Variants in LILRA6 observed in about 807,000 individuals in gnomAD.
LILRA6 encodes the protein leukocyte immunoglobulin like receptor A6, also known as leukocyte immunoglobulin-like receptor subfamily A member 6.
In LILRA6, 16 loss-of-function variants were observed where a neutral mutation model predicts 53.9. That is an observed-to-expected ratio of 0.30 (90% CI 0.20 to 0.45). LILRA6 has a LOEUF of 0.45. Among genes scored for constraint, LILRA6 ranks in the 20% least tolerant of loss-of-function variants. LILRA6 has a pLI of 1.00. For missense variants in LILRA6, 306 were observed against 618.6 expected (o/e 0.49, Z 5.36); for synonymous variants, 135 against 256.4 (o/e 0.53, Z 4.52).
Position 54,242,074 on chromosome 19 carries a change from A to G in LILRA6, c.307T>C (p.Ser103Pro), listed in dbSNP as rs1294912866. 3 of 1,404,698 alleles carry G rather than the reference A, an allele frequency of 2.1e-6. 1 individual carries two copies. The highest frequency in any genetic ancestry group is 2.7e-5 in the South Asian group (2 of 72,788). 87.0% of individuals were successfully genotyped at this position (1,404,698 alleles called of 1,614,324 possible). Residue 103 changes from serine (S) to proline (P), a missense_variant, in exon 3 of 8, where the codon TCT becomes CCT. Physicochemically the swap from Ser to Pro is moderately conservative, Grantham distance 74 (BLOSUM62 -1). Transcript: ENST00000396365. The stretch of plus-strand genomic sequence containing the variant: ...TCGCTGGGCTCTGACCAGCCTGCAG[A>G]GCTGTAATAGTGGCAGCGGTATCTC...
exon 8 of LILRA6, chr19:54,239,057 G>A (rs1284721151): frequency 1.2e-6 from 2 of 1,611,498 alleles, no homozygotes; most frequent in Middle Eastern, 1.7e-4. Flanking sequence ...ATGCGGATGA[G>A]ATTCTCCACT....
exon 5 of LILRA6, chr19:54,240,872 T>C: frequency 6.2e-7 from 1 of 1,613,948 alleles, no homozygotes; most frequent in Middle Eastern, 1.7e-4. Flanking sequence ...GGCCGACCAC[T>C]CGGAGGAGAG....
At chr19:54,238,012 CTCT>C (rs1196055276), downstream of LILRA6, 2 of 144,836 alleles carry the variant, frequency 1.4e-5, no homozygotes, top group East Asian at 2.0e-4. Context: ...AGCTGTGTGT[CTCT>C]TCTTTTTTTT....
chr19:54,238,390 T>G (rs1364235546), downstream of LILRA6: 2 of 151,312 alleles, frequency 1.3e-5, no homozygotes, highest in Non-Finnish European at 2.9e-5. Flanking sequence ...TTGATTCAAG[T>G]AATTTGCAGT....
At chr19:54,239,085 T>C in exon 8 of LILRA6, 1 of 1,611,142 alleles carries the variant, frequency 6.2e-7, no homozygotes, top group Non-Finnish European at 8.5e-7. Flanking sequence ...CCTTGGCGTG[T>C]GAGGCTGGGG....
chr19:54,240,934 G>T (rs1305977158), exon 5 of LILRA6: 1 of 1,613,936 alleles, frequency 6.2e-7, no homozygotes, highest in African/African-American at 1.3e-5. Flanking sequence ...GGCTCACAGG[G>T]CCCAGGGTGA....
At chr19:54,242,578 C>T in intron 1 of LILRA6, 24 bp from the exon 2 acceptor site, 1 of 1,071,888 alleles carries the variant, frequency 9.3e-7, no homozygotes, top group Non-Finnish European at 1.3e-6. Context: ...CCCTGTGAGG[C>T]ATTTGCCCTG....
Position 54,241,831 on chromosome 19 carries a change from C to T in LILRA6, c.403G>A (p.Ala135Thr), listed in dbSNP as rs751756983. The T allele has an allele frequency of 1.4e-5, 19 of 1,324,972 alleles. 3 individuals are homozygous for T. Among genetic ancestry groups the T allele is most frequent in the Non-Finnish European group, 2.0e-5 (19 of 960,840 alleles). 82.1% of individuals were successfully genotyped at this position (1,324,972 alleles called of 1,614,324 possible). A position where few individuals can be genotyped will look rare whatever the true frequency, so the allele number is the denominator to read the frequency against. ...TGGAGGGTCATATTCCCCCCTGAGG[C>T]CACCACAGGGCTGGGCAGGGCTGAG... The change falls in exon 4 of 8, where the codon GCC becomes ACC. Residue 135 changes from alanine (A) to threonine (T), a missense_variant. Ala to Thr is a moderately conservative substitution (Grantham distance 58). Around this residue, in one of 9 missense-constraint regions of LILRA6, gnomAD observed 35 missense variants for 39.5 expected, o/e 0.89. Coordinates refer to ENST00000396365, the Ensembl canonical transcript of LILRA6.
exon 8 of LILRA6, chr19:54,238,946 C>T (rs1246389451): frequency 7.5e-6 from 12 of 1,610,434 alleles, no homozygotes; most frequent in African/African-American, 1.4e-5. Context: ...ATTGTCCTCT[C>T]CGCTGTTCAC....
downstream of LILRA6, chr19:54,238,028 T>TC (rs2078659871): frequency 6.7e-6 from 1 of 149,106 alleles, no homozygotes; most frequent in Non-Finnish European, 1.5e-5. Flanking sequence ...TTTTTTTTTT[T>TC]CTTTTTTTTT....
chr19:54,240,694 C>T, intron 5 of LILRA6, 118 bp from the exon 6 acceptor site: 1 of 1,564,616 alleles, frequency 6.4e-7, no homozygotes, highest in African/African-American at 1.4e-5. Context: ...GTCTCGCCTC[C>T]CCGCCCATCC....
rs373524628 is a variant in LILRA6 at position 54,240,992 on chromosome 19, A to G, written c.794T>C (p.Leu265Pro). 1,909 of 1,613,346 alleles carry G rather than the reference A, an allele frequency of 1.2e-3. 9 individuals are homozygous for G. The African/African-American group carries it at 0.023, about 20-fold the overall frequency. Reference sequence around the variant, plus strand: ...CTGGGGCTGCTGGCCAGGGCGCTGGAGGAAGTCACGTTCCCCCTCCTTATA... The same window carrying G: ...CTGGGGCTGCTGGCCAGGGCGCTGGGGGAAGTCACGTTCCCCCTCCTTATA... The change falls in exon 5 of 8, where the codon CTC becomes CCC. Residue 265 changes from leucine to proline, a missense_variant. Leu to Pro is a moderately conservative substitution (Grantham distance 98). Around this residue, in one of 9 missense-constraint regions of LILRA6, gnomAD observed 13 missense variants for 80.1 expected, o/e 0.16. Coordinates refer to ENST00000396365, the Ensembl canonical transcript of LILRA6.
intron 7 of LILRA6, chr19:54,239,375 T>A (rs2078686729): frequency 1.3e-6 from 1 of 798,312 alleles, no homozygotes; most frequent in Non-Finnish European, 1.9e-6. Context: ...CAATAAACCC[T>A]CCCTCTCCTG....
exon 8 of LILRA6, chr19:54,238,724 C>G (rs993375513): frequency 1.5e-6 from 1 of 680,070 alleles, no homozygotes; most frequent in Non-Finnish European, 2.2e-6. Context: ...GCACTTCACA[C>G]TCACCCATGA....
chr19:54,239,694 G>A (rs1249689803), intron 7 of LILRA6: 2 of 1,546,394 alleles, frequency 1.3e-6, no homozygotes, highest in Non-Finnish European at 8.7e-7. Context: ...GAAGCCTGGG[G>A]CTACCTTGCT....
exon 3 of LILRA6, chr19:54,242,177 G>A (rs2078783344): frequency 7.1e-7 from 1 of 1,417,208 alleles, no homozygotes; most frequent in East Asian, 2.3e-5. Context: ...TTCTGTCCCA[G>A]GGCTCTGGGC....
At position 54,238,853 on chromosome 19, in the gene LILRA6, C is replaced by A. The variant is rs189984272; in HGVS notation, c.*100G>T. Reference sequence around the variant, plus strand: ...CAGTGTGTGGCCTGAAATCTCACCCCCCTCTGGAGGTCCTAGATTGTCCTC... The same window carrying A: ...CAGTGTGTGGCCTGAAATCTCACCCACCTCTGGAGGTCCTAGATTGTCCTC... On this transcript the variant is annotated 3_prime_UTR_variant, in exon 8 of 8. Coordinates refer to ENST00000396365, the Ensembl canonical transcript of LILRA6. 69 of 1,523,252 alleles carry A rather than the reference C, an allele frequency of 4.5e-5. 1 individual carries two copies. Among genetic ancestry groups the A allele is most frequent in the East Asian group, 1.4e-4 (6 of 43,146 alleles). 94.4% of individuals were successfully genotyped at this position (1,523,252 alleles called of 1,614,324 possible). A position where few individuals can be genotyped will look rare whatever the true frequency, so the allele number is the denominator to read the frequency against.
At chr19:54,239,756 G>A in intron 7 of LILRA6, 145 bp downstream of exon 7, 1 of 1,548,918 alleles carries the variant, frequency 6.5e-7, no homozygotes, top group Non-Finnish European at 8.7e-7. Context: ...ATCTCTCTCT[G>A]CCTTGAACCC....
downstream of LILRA6, chr19:54,238,199 A>G (rs533281518): frequency 1.3e-4 from 20 of 150,316 alleles, no homozygotes; most frequent in African/African-American, 4.7e-4. Context: ...CACCACGCCC[A>G]GCTAATGTTT....
Sources: allele counts gnomAD v4.1 joint callset, GRCh38; gene constraint gnomAD v4.1.1; regional missense constraint gnomAD v4.1.1; transcripts MANE v1.5; gene names NCBI Gene and HGNC (gene_info 2026-07-23, HGNC 2026-07-21).